The following TULP3 variants were observed in gnomAD, a reference collection of about 807,000 sequenced individuals.
The protein encoded by TULP3 is TUB like protein 3, also known as tubby-related protein 3.
A neutral mutation model predicts 50.7 loss-of-function variants in TULP3; 38 were observed. The ratio of observed to expected loss-of-function variants is 0.75; its 90% CI spans 0.58 to 0.98. TULP3 has a LOEUF of 0.98. Among genes scored for constraint, TULP3 ranks in the 50% least tolerant of loss-of-function variants. The probability of loss-of-function intolerance (pLI) is 0.00; values close to 1 mark genes in which losing one functional copy is unlikely to be tolerated. For synonymous variants in TULP3, 183 were observed against 196.6 expected (o/e 0.93, Z 0.58); for missense variants, 550 against 568.0 (o/e 0.97, Z 0.32).
intron 1 of TULP3, among the ~76,000 whole-genome samples, chr12:2,893,720 T>G (rs965400983): frequency 2.0e-5 from 3 of 152,010 alleles, no homozygotes; most frequent in Non-Finnish European, 2.9e-5. Context: ...TTCTGTGTTT[T>G]TTTTTTTTCT....
rs2098203268 is a variant in TULP3, at chr12:2,939,238, GAAGAAA to G, written c.1196-62_1196-57del. On this transcript the variant is annotated intron_variant, in intron 10 of 10. Coordinates refer to ENST00000448120, the MANE Select transcript of TULP3 (RefSeq NM_003324.5). This position sits in a 1 kb window ranked among gnomAD's most constrained non-coding sequence, Gnocchi z 4.0. ...AGAGCAAAACCCCATCTAAGAAAAG[GAAGAAA>G]AAGAAAAAGATTTCCCTGAGTGCAA... The G allele has an allele frequency of 6.5e-7, 1 of 1,532,194 alleles. No homozygotes were observed. Among genetic ancestry groups the G allele is most frequent in the Non-Finnish European group, 8.9e-7 (1 of 1,120,592 alleles). The allele number at this position is 1,532,194 out of a possible 1,614,324, so 94.9% of individuals were successfully genotyped here.
At chr12:2,903,942 C>T (rs2098180751) in intron 1 of TULP3, among the ~76,000 whole-genome samples, 1 of 152,056 alleles carries the variant, frequency 6.6e-6, no homozygotes, top group Non-Finnish European at 1.5e-5. Flanking sequence ...CACCACCACG[C>T]CCAGCTAATT....
intron 1 of TULP3, among the ~76,000 whole-genome samples, chr12:2,895,592 A>T (rs902006354): frequency 6.6e-6 from 1 of 152,234 alleles, no homozygotes; most frequent in South Asian, 2.1e-4. Context: ...CTATTTGTCA[A>T]TTGAGTTAGG....
In TULP3 at chr12:2,939,226, A is replaced by T; in HGVS notation, c.1196-85A>T. ...AGCCAGGGCGACAGAGCAAAACCCC[A>T]TCTAAGAAAAGGAAGAAAAAGAAAA... On this transcript the variant is annotated intron_variant, in intron 10 of 10. Transcript: ENST00000448120. The surrounding 1 kb of genome is among the most constrained non-coding windows in gnomAD (Gnocchi z 4.0). 6.8e-7 allele frequency: 1 copy of T among 1,476,894 alleles called. No homozygotes were observed. The highest frequency in any genetic ancestry group is 9.3e-7 in the Non-Finnish European group (1 of 1,079,010). 91.5% of individuals were successfully genotyped at this position (1,476,894 alleles called of 1,614,324 possible). A position where few individuals can be genotyped will look rare whatever the true frequency, so the allele number is the denominator to read the frequency against.
At chr12:2,917,743 G>C (rs1421458067) in intron 2 of TULP3, among the ~76,000 whole-genome samples, 1 of 151,584 alleles carries the variant, frequency 6.6e-6, no homozygotes, top group African/African-American at 2.4e-5. Context: ...CGGGCGCGGT[G>C]CCGGACGCCT....
chr12:2,906,032 A>AATT (rs1555112182), intron 1 of TULP3, among the ~76,000 whole-genome samples: 10 of 139,128 alleles, frequency 7.2e-5, no homozygotes, highest in East Asian at 6.6e-4. Context: ...AAAAAAAAAA[A>AATT]TTTTTTTTTT....
At chr12:2,919,399 T>G (rs1312487771) in intron 2 of TULP3, among the ~76,000 whole-genome samples, 2 of 152,186 alleles carry the variant, frequency 1.3e-5, no homozygotes, top group African/African-American at 4.8e-5. Context: ...CCCAATCTTT[T>G]CCCTCTATAT....
At chr12:2,905,011 G>C (rs1255765617) in intron 1 of TULP3, among the ~76,000 whole-genome samples, 1 of 151,100 alleles carries the variant, frequency 6.6e-6, no homozygotes, top group Non-Finnish European at 1.5e-5. Flanking sequence ...CTTGAATCCG[G>C]GAGGTGGAGG....
chr12:2,923,151 G>A (rs2098192765), intron 4 of TULP3, among the ~76,000 whole-genome samples: 1 of 151,802 alleles, frequency 6.6e-6, no homozygotes, highest in Non-Finnish European at 1.5e-5. Flanking sequence ...GAGCCACCAC[G>A]CCCAGCCGAA....
At chr12:2,916,207 C>A (rs956603061) in intron 2 of TULP3, among the ~76,000 whole-genome samples, 1 of 151,588 alleles carries the variant, frequency 6.6e-6, no homozygotes, top group African/African-American at 2.4e-5. Context: ...ATGGGGTTTC[C>A]GGCATGTTGG....
At chr12:2,906,111 A>G (rs1453948091) in intron 1 of TULP3, among the ~76,000 whole-genome samples, 31 of 149,322 alleles carry the variant, frequency 2.1e-4, no homozygotes, top group Non-Finnish European at 3.0e-5. Flanking sequence ...GGTCACTGCA[A>G]CCTCCGCCTC....
chr12:2,930,363 T>C lies in TULP3; in HGVS notation c.492+18T>C, dbSNP rs1196880340. ...ATTCAACCGTATGTAGTTCTGAAAC[T>C]TCTTCCATTAGAGCTAATTTGACTC... On this transcript the variant is annotated intron_variant, in intron 5 of 10. Transcript: ENST00000448120. 2 of 1,532,666 alleles carry C rather than the reference T, an allele frequency of 1.3e-6. No homozygotes were observed. The highest frequency in any genetic ancestry group is 1.8e-6 in the Non-Finnish European group (2 of 1,113,308). The allele number at this position is 1,532,666 out of a possible 1,614,324, so 94.9% of individuals were successfully genotyped here.
intron 5 of TULP3, 131 bp downstream of exon 5, chr12:2,930,476 T>G: frequency 1.7e-6 from 1 of 583,088 alleles, no homozygotes; most frequent in Non-Finnish European, 2.8e-6. Flanking sequence ...CAGGCTGGAG[T>G]GCAGTGGCAT....
intron 1 of TULP3, among the ~76,000 whole-genome samples, chr12:2,900,567 CTT>C: frequency 1.3e-5 from 2 of 151,042 alleles, no homozygotes; most frequent in Non-Finnish European, 2.9e-5. Flanking sequence ...ATAAAGTACT[CTT>C]TTTAAACTCA....
intron 1 of TULP3, among the ~76,000 whole-genome samples, chr12:2,907,723 T>C (rs998406242): frequency 1.7e-5 from 2 of 114,414 alleles, no homozygotes; most frequent in East Asian, 5.7e-4. Context: ...TTGTTTTTGT[T>C]TTATCTTTTT....
chr12:2,939,849 T>A lies in TULP3; in HGVS notation c.*405T>A. On this transcript the variant is annotated 3_prime_UTR_variant, in exon 11 of 11. Transcript: ENST00000448120. This position sits in a 1 kb window ranked among gnomAD's most constrained non-coding sequence, Gnocchi z 4.0. Reference sequence around the variant, plus strand: ...ACTCTCACTCCTTTTCCAGGTTTCATAGACTTGGTGAGGGATCACAGCTTA... The same window carrying A: ...ACTCTCACTCCTTTTCCAGGTTTCAAAGACTTGGTGAGGGATCACAGCTTA... The A allele has an allele frequency of 3.6e-5, 43 of 1,195,278 alleles. No homozygotes were observed. Among genetic ancestry groups the A allele is most frequent in the Non-Finnish European group, 4.6e-5 (43 of 944,486 alleles). 74.0% of individuals were successfully genotyped at this position (1,195,278 alleles called of 1,614,324 possible).
At chr12:2,933,669 A>AAT in intron 7 of TULP3, 139 bp downstream of exon 7, 1 of 505,904 alleles carries the variant, frequency 2.0e-6, no homozygotes, top group African/African-American at 2.0e-5. Context: ...AAAAAAAAAA[A>AAT]GCTGGGCGCA....
At position 2,890,898 on chromosome 12, in the gene TULP3, C is replaced by T. The variant is rs754263914; in HGVS notation, c.-50C>T. ...CGGCGTGCCAGCCTAGCCACTCTAG[C>T]GACGGCGGGGAAGAGTGTGTACGTG... On this transcript the variant is annotated 5_prime_UTR_variant, in exon 1 of 11. Coordinates refer to ENST00000448120, the MANE Select transcript of TULP3 (RefSeq NM_003324.5). 2.0e-6 allele frequency: 3 copies of T among 1,533,014 alleles called. No individual in the cohort carries two copies. The highest frequency in any genetic ancestry group is 1.2e-5 in the South Asian group (1 of 81,690). 95.0% of individuals were successfully genotyped at this position (1,533,014 alleles called of 1,614,324 possible).
In TULP3 at chr12:2,934,448, T is replaced by G; in HGVS notation, c.811T>G (p.Ser271Ala). ...GGTGACTTTTTCTCCTGACTCCAGATCCAACCTCATGGGGACCAAGTTTAC... is the reference window on the plus strand; with the variant it reads ...GGTGACTTTTTCTCCTGACTCCAGAGCCAACCTCATGGGGACCAAGTTTAC... Reference protein sequence around the residue: ...EGESYVGKLRSNLMGTKFTVY... With the variant: ...EGESYVGKLRANLMGTKFTVY... The change falls in exon 8 of 11, where the codon TCC becomes GCC. Residue 271 changes from serine to alanine, a missense_variant and splice_region_variant. Transcript: ENST00000448120. 1 of 1,573,530 alleles carries G rather than the reference T, an allele frequency of 6.4e-7. No individual in the cohort carries two copies. The highest frequency in any genetic ancestry group is 8.6e-7 in the Non-Finnish European group (1 of 1,161,680).
Sources: gnomAD v4.1 joint callset for allele counts (sites outside exome capture counted in the v4.1 genomes callset) on GRCh38, gnomAD v4.1.1 for gene constraint, Gnocchi (gnomAD v3.1) non-coding constraint, MANE v1.5 for transcripts, NCBI Gene and HGNC (gene_info 2026-07-23, HGNC 2026-07-21) for gene names.